PCDH17: variants seen among roughly 807,000 people sequenced by gnomAD.
The protein encoded by PCDH17 is protocadherin-17.
Under a neutral mutation model 67.7 loss-of-function variants are expected in PCDH17, and 21 were observed. That is an observed-to-expected ratio of 0.31 (90% CI 0.22 to 0.45). The LOEUF is 0.45. PCDH17 is among the 20% of genes least tolerant of loss of function. The pLI is 1.00. For missense variants in PCDH17, 1,471 were observed against 1,564.8 expected (o/e 0.94, Z 1.01); for synonymous variants, 701 against 656.7 (o/e 1.07, Z -1.03).
At chr13:57,636,100 A>G (rs1954820002) in intron 1 of PCDH17, among the ~76,000 whole-genome samples, 1 of 152,190 alleles carries the variant, frequency 6.6e-6, no homozygotes, top group Non-Finnish European at 1.5e-5. Flanking sequence ...TGACTGACCC[A>G]GCTTGGACAT....
chr13:57,702,072 C>A (rs1410326690), intron 3 of PCDH17, among the ~76,000 whole-genome samples: 1 of 151,970 alleles, frequency 6.6e-6, no homozygotes. Context: ...GACGTGCCAC[C>A]AGGCCCAGTT....
At chr13:57,698,020 T>A (rs778952340) in intron 3 of PCDH17, among the ~76,000 whole-genome samples, 1 of 151,644 alleles carries the variant, frequency 6.6e-6, no homozygotes, top group Non-Finnish European at 1.5e-5. Flanking sequence ...CAGTGGGGCA[T>A]CTGAATTCAA....
chr13:57,635,011 A>C lies in PCDH17; in HGVS notation c.2465A>C (p.Asn822Thr). 1 of 1,613,202 alleles carries C rather than the reference A, an allele frequency of 6.2e-7. No homozygotes were observed. Among genetic ancestry groups the C allele is most frequent in the South Asian group, 1.1e-5 (1 of 91,052 alleles). ...ATGTATCTCAAACCGGCCTCCAACA[A>C]CCTGACTGTCCCTCAGGGGCACGCG... ...EVMYLKPASN[N>T]LTVPQGHAGC... The change falls in exon 1 of 4, where the codon AAC (asparagine) becomes ACC (threonine). Residue 822 changes from asparagine (N) to threonine (T), a missense_variant. By Grantham distance (65) the Asn-to-Thr change is moderately conservative. Transcript: ENST00000377918.
At chr13:57,643,265 T>C (rs1342422303) in intron 1 of PCDH17, among the ~76,000 whole-genome samples, 1 of 151,484 alleles carries the variant, frequency 6.6e-6, no homozygotes, top group Non-Finnish European at 1.5e-5. Context: ...ATTAAGACAT[T>C]AGAATGTTTG....
At chr13:57,640,469 A>G (rs1351674389) in intron 1 of PCDH17, among the ~76,000 whole-genome samples, 2 of 152,056 alleles carry the variant, frequency 1.3e-5, no homozygotes, top group Admixed American at 6.6e-5. Flanking sequence ...CCAATTTTAT[A>G]CATTTTAGTT....
At chr13:57,688,951 C>T (rs1311579928) in intron 3 of PCDH17, among the ~76,000 whole-genome samples, 2 of 151,966 alleles carry the variant, frequency 1.3e-5, no homozygotes, top group African/African-American at 2.4e-5. Context: ...CATTGGCATC[C>T]GTACTTGAAT....
At chr13:57,639,668 T>C (rs528098852) in intron 1 of PCDH17, among the ~76,000 whole-genome samples, 1 of 151,970 alleles carries the variant, frequency 6.6e-6, no homozygotes, top group South Asian at 2.1e-4. Context: ...ATGTCAGGAG[T>C]AAGATAATTT....
chr13:57,646,493 G>A (rs1196875044), intron 1 of PCDH17, among the ~76,000 whole-genome samples: 1 of 151,522 alleles, frequency 6.6e-6, no homozygotes, highest in Admixed American at 6.6e-5. Context: ...AGTTAGCTAC[G>A]TTTGTCTGAA....
rs1955924919 is a variant in PCDH17 at position 57,727,652 on chromosome 13, T to C, written c.*2358T>C. On this transcript the variant is annotated 3_prime_UTR_variant, in exon 4 of 4. Coordinates refer to ENST00000377918, the MANE Select transcript of PCDH17 (RefSeq NM_001040429.3). Reference sequence around the variant, plus strand: ...TTAAATTAGAAAAGAAGGGACCTTGTACATGTGAAACCTAATTGACTCTCT... The same window carrying C: ...TTAAATTAGAAAAGAAGGGACCTTGCACATGTGAAACCTAATTGACTCTCT... The C allele has an allele frequency of 1.3e-5, 2 of 152,162 alleles. No homozygotes were observed. The highest frequency in any genetic ancestry group is 2.9e-5 in the Non-Finnish European group (2 of 68,018). The allele number at this position is 152,162 out of a possible 1,614,324, so 9.4% of individuals were successfully genotyped here. A position where few individuals can be genotyped will look rare whatever the true frequency, so the allele number is the denominator to read the frequency against.
chr13:57,700,659 T>C (rs9597591), intron 3 of PCDH17, among the ~76,000 whole-genome samples: 124,282 of 151,968 alleles, frequency 0.82, 51,336 homozygotes, highest in African/African-American at 0.94. Flanking sequence ...GGAGTAAATA[T>C]ATTCTTTCTT....
chr13:57,685,619 G>A (rs1955497721), intron 3 of PCDH17, among the ~76,000 whole-genome samples: 1 of 152,002 alleles, frequency 6.6e-6, no homozygotes, highest in Admixed American at 6.6e-5. Flanking sequence ...ATGGATGGGA[G>A]TTGAGTATAA....
chr13:57,664,136 C>G (rs879288976), intron 1 of PCDH17, among the ~76,000 whole-genome samples: 6 of 152,102 alleles, frequency 3.9e-5, no homozygotes, highest in African/African-American at 1.4e-4. Flanking sequence ...CTCCTGAGCT[C>G]AAGTGATCCT....
At chr13:57,717,518 G>T (rs1593950179) in intron 3 of PCDH17, among the ~76,000 whole-genome samples, 2 of 152,030 alleles carry the variant, frequency 1.3e-5, no homozygotes, top group Middle Eastern at 3.4e-3. Flanking sequence ...AGGTGTGCAG[G>T]TGCATTGAAC....
intron 3 of PCDH17, among the ~76,000 whole-genome samples, chr13:57,681,845 G>T (rs917795708): frequency 2.0e-5 from 3 of 151,616 alleles, no homozygotes; most frequent in Admixed American, 6.6e-5. Context: ...TTTAAATGTT[G>T]TATTTATTAA....
intron 3 of PCDH17, among the ~76,000 whole-genome samples, chr13:57,711,918 A>G (rs188478956): frequency 1.2e-4 from 18 of 151,558 alleles, no homozygotes; most frequent in Admixed American, 9.9e-4. Flanking sequence ...ATCTAACAAT[A>G]CATTATTTAT....
At position 57,728,202 on chromosome 13, in the gene PCDH17, T is replaced by C. The variant is rs907640924; in HGVS notation, c.*2908T>C. ...GGCAACTGCCTTTATTGCAGACCTC[T>C]GGTGCTTGGCTTTCAAGGAAGCCTA... is the stretch of plus-strand genomic sequence containing the variant. On this transcript the variant is annotated 3_prime_UTR_variant, in exon 4 of 4. Transcript: ENST00000377918. 5 of 152,608 alleles carry C rather than the reference T, an allele frequency of 3.3e-5. No homozygotes were observed. The highest frequency in any genetic ancestry group is 5.9e-5 in the Non-Finnish European group (4 of 67,996). The allele number at this position is 152,608 out of a possible 1,614,324, so 9.5% of individuals were successfully genotyped here.
intron 3 of PCDH17, among the ~76,000 whole-genome samples, chr13:57,707,538 A>G (rs1324754183): frequency 6.6e-6 from 1 of 152,116 alleles, no homozygotes; most frequent in East Asian, 1.9e-4. Context: ...GCAGAATTCT[A>G]AAGCCACTTC....
rs1955935188 is a variant in PCDH17 at position 57,729,209 on chromosome 13, A to C, written c.*3915A>C. On this transcript the variant is annotated 3_prime_UTR_variant, in exon 4 of 4. Coordinates refer to ENST00000377918, the MANE Select transcript of PCDH17 (RefSeq NM_001040429.3). ...GGTGAACAAGGACAACAACAAAAGC[A>C]GCATACATTGTATGGATTTATCTCA... 1.3e-5 allele frequency: 2 copies of C among 152,138 alleles called. No individual in the cohort carries two copies. The highest frequency in any genetic ancestry group is 2.4e-5 in the African/African-American group (1 of 41,460). 9.4% of individuals were successfully genotyped at this position (152,138 alleles called of 1,614,324 possible). A position where few individuals can be genotyped will look rare whatever the true frequency, so the allele number is the denominator to read the frequency against.
chr13:57,650,513 A>T (rs1413209798), intron 1 of PCDH17, among the ~76,000 whole-genome samples: 2 of 152,126 alleles, frequency 1.3e-5, no homozygotes, highest in Non-Finnish European at 2.9e-5. Context: ...CCTGGGAAAA[A>T]CAACAACTAT....
Sources: allele counts gnomAD v4.1 joint callset (sites outside exome capture counted in the v4.1 genomes callset), GRCh38; gene constraint gnomAD v4.1.1; transcripts MANE v1.5; gene names NCBI Gene and HGNC (gene_info 2026-07-23, HGNC 2026-07-21).